MAGI3: variants seen among roughly 807,000 people sequenced by gnomAD.
MAGI3 encodes membrane-associated guanylate kinase, WW and PDZ domain-containing protein 3.
In MAGI3, 43 loss-of-function variants were observed where a neutral mutation model predicts 121.8. That is an observed-to-expected ratio of 0.35 (90% CI 0.28 to 0.46). The LOEUF (loss-of-function observed/expected upper bound fraction) is 0.46, where lower values mean the gene tolerates loss of function less well. Among genes scored for constraint, MAGI3 ranks in the 20% least tolerant of loss-of-function variants. MAGI3 has a pLI of 1.00. For missense variants in MAGI3, 1,547 were observed against 1,797.3 expected, an observed-to-expected ratio of 0.86 and a Z score of 2.52; for synonymous variants, 553 against 639.3, an observed-to-expected ratio of 0.86 and a Z score of 2.04.
At chr1:113,471,072 T>G (rs78812068) in intron 1 of MAGI3, among the ~76,000 whole-genome samples, 1 of 152,194 alleles carries the variant, frequency 6.6e-6, no homozygotes, top group Non-Finnish European at 1.5e-5. Flanking sequence ...TTAGTCCATT[T>G]GAGTTGGTTT....
intron 1 of MAGI3, among the ~76,000 whole-genome samples, chr1:113,444,501 G>A (rs1296385492): frequency 1.3e-5 from 2 of 152,134 alleles, no homozygotes; most frequent in African/African-American, 4.8e-5. Flanking sequence ...CCCAGGGAAA[G>A]GCACAGGTTT....
In MAGI3 at chr1:113,685,143, T is replaced by TTAAC. The variant is rs754724229; in HGVS notation, c.*1135_*1138dup. 3 of 152,372 alleles carry TTAAC rather than the reference T, an allele frequency of 2.0e-5. No individual in the cohort carries two copies. The highest frequency in any genetic ancestry group is 2.9e-5 in the Non-Finnish European group (2 of 68,040). 9.4% of individuals were successfully genotyped at this position (152,372 alleles called of 1,614,324 possible). ...GGATCTTATTTAACTTTTAGCTACA[T>TTAAC]TAACTAACTTTCTTATTTAAAAACA... On this transcript the variant is annotated 3_prime_UTR_variant, in exon 21 of 21. Transcript: ENST00000307546.
chr1:113,494,105 G>A (rs770841688), intron 1 of MAGI3, among the ~76,000 whole-genome samples: 12 of 152,076 alleles, frequency 7.9e-5, no homozygotes, highest in East Asian at 1.9e-4. Context: ...ACAATAGTTC[G>A]CAAAGACATG....
At chr1:113,396,287 T>TTGTG (rs3058309) in intron 1 of MAGI3, among the ~76,000 whole-genome samples, 94,900 of 146,670 alleles carry the variant, frequency 0.65, 30,799 homozygotes, top group South Asian at 0.69. Context: ...AATGTCAGGG[T>TTGTG]TGTGTGTGTG....
At chr1:113,416,683 A>C (rs1298307507) in intron 1 of MAGI3, among the ~76,000 whole-genome samples, 1 of 150,654 alleles carries the variant, frequency 6.6e-6, no homozygotes, top group Non-Finnish European at 1.5e-5. Flanking sequence ...TGACAGAATA[A>C]GGGAGATTAT....
intron 7 of MAGI3, 61 bp downstream of exon 7, chr1:113,614,719 G>A (rs1320202057): frequency 1.7e-6 from 2 of 1,167,946 alleles, no homozygotes; most frequent in Non-Finnish European, 2.5e-6. Flanking sequence ...TATAGCTTTA[G>A]AGAATACTGG....
intron 1 of MAGI3, among the ~76,000 whole-genome samples, chr1:113,477,050 C>G (rs1333466403): frequency 1.4e-5 from 2 of 144,818 alleles, no homozygotes; most frequent in Non-Finnish European, 3.0e-5. Context: ...TGCACCCCTG[C>G]TTTTTTTTTT....
At chr1:113,478,332 C>A (rs565478926) in intron 1 of MAGI3, among the ~76,000 whole-genome samples, 1 of 152,176 alleles carries the variant, frequency 6.6e-6, no homozygotes, top group Non-Finnish European at 1.5e-5. Flanking sequence ...GAATTTTCAG[C>A]TTTTCCACTC....
At chr1:113,482,503 A>AT (rs1382852870) in intron 1 of MAGI3, among the ~76,000 whole-genome samples, 13 of 151,426 alleles carry the variant, frequency 8.6e-5, no homozygotes, top group African/African-American at 2.7e-4. Context: ...CACCTGGCTA[A>AT]TTTTTTTATT....
At chr1:113,450,129 AAG>A (rs1466682278) in intron 1 of MAGI3, 38 of 1,474,174 alleles carry the variant, frequency 2.6e-5, no homozygotes, top group Middle Eastern at 1.8e-4. Context: ...GAGTGGGAAA[AAG>A]AGGATTTGCT....
intron 1 of MAGI3, among the ~76,000 whole-genome samples, chr1:113,481,123 G>T (rs1656092932): frequency 1.3e-5 from 2 of 152,066 alleles, no homozygotes; most frequent in South Asian, 4.2e-4. Flanking sequence ...TTAAAGGCTT[G>T]CTTGCTTTTT....
intron 1 of MAGI3, among the ~76,000 whole-genome samples, chr1:113,527,282 G>T (rs1248460147): frequency 6.6e-6 from 1 of 152,108 alleles, no homozygotes; most frequent in Non-Finnish European, 1.5e-5. Flanking sequence ...TTCACATTTG[G>T]ATTTGCTGAG....
At chr1:113,671,586 A>T in intron 16 of MAGI3, 148 bp from the exon 17 acceptor site, 1 of 640,748 alleles carries the variant, frequency 1.6e-6, no homozygotes, top group Non-Finnish European at 2.7e-6. Flanking sequence ...CGCCAGTTCC[A>T]GACAGCTGAC....
At chr1:113,468,946 A>C (rs1655418552) in intron 1 of MAGI3, among the ~76,000 whole-genome samples, 1 of 152,146 alleles carries the variant, frequency 6.6e-6, no homozygotes, top group African/African-American at 2.4e-5. Context: ...TAGATACTTA[A>C]TAGTTGTTGA....
At chr1:113,479,896 T>C (rs539012297) in intron 1 of MAGI3, among the ~76,000 whole-genome samples, 1 of 152,294 alleles carries the variant, frequency 6.6e-6, no homozygotes, top group East Asian at 1.9e-4. Context: ...ATGGAATTTT[T>C]CAGTTCATTC....
At chr1:113,493,373 A>G (rs1256866202) in intron 1 of MAGI3, among the ~76,000 whole-genome samples, 1 of 152,068 alleles carries the variant, frequency 6.6e-6, no homozygotes, top group Admixed American at 6.6e-5. Flanking sequence ...TCCTTACACC[A>G]CATAAAAAAT....
At chr1:113,662,216 T>C (rs1440991834) in intron 16 of MAGI3, among the ~76,000 whole-genome samples, 1 of 152,156 alleles carries the variant, frequency 6.6e-6, no homozygotes, top group East Asian at 1.9e-4. Context: ...TTTTCCCCCT[T>C]TGCTAGATGC....
In MAGI3 at chr1:113,416,155, C is replaced by CACATATTATTATGTAATTAATG. The variant is rs1453681015; in HGVS notation, c.316+24810_316+24831dup. 2.7e-4 allele frequency among the ~76,000 whole-genome samples: 30 copies of CACATATTATTATGTAATTAATG among 112,952 alleles called. 2 individuals carry two copies. The highest frequency in any genetic ancestry group is 8.6e-4 in the African/African-American group (29 of 33,620). 74.1% of individuals were successfully genotyped at this position (112,952 alleles called of 152,430 possible). A position where few individuals can be genotyped will look rare whatever the true frequency, so the allele number is the denominator to read the frequency against. On this transcript the variant is annotated intron_variant, in intron 1 of 20. Coordinates refer to ENST00000307546, the MANE Select transcript of MAGI3 (RefSeq NM_001142782.2). ...CACATATTAATTATGTAATTAATGACACATATTATTATGTAATTAATGACA... is the reference window on the plus strand; with the variant it reads ...CACATATTAATTATGTAATTAATGACACATATTATTATGTAATTAATGACATATTATTATGTAATTAATGACA...
chr1:113,631,132 A>G (rs1651604702), intron 9 of MAGI3, among the ~76,000 whole-genome samples: 1 of 152,152 alleles, frequency 6.6e-6, no homozygotes, highest in African/African-American at 2.4e-5. Context: ...AAATCCTGAC[A>G]ATCGCTGTGC....
Sources: gnomAD v4.1 joint callset for allele counts (sites outside exome capture counted in the v4.1 genomes callset) on GRCh38, gnomAD v4.1.1 for gene constraint, MANE v1.5 for transcripts, NCBI Gene and HGNC (gene_info 2026-07-23, HGNC 2026-07-21) for gene names.